PLXNA4: variants seen among roughly 807,000 people sequenced by gnomAD.
The protein encoded by PLXNA4 is plexin A4.
Under a neutral mutation model 191.8 loss-of-function variants are expected in PLXNA4, and 44 were observed. The ratio of observed to expected loss-of-function variants is 0.23; its 90% CI spans 0.18 to 0.29. The LOEUF (loss-of-function observed/expected upper bound fraction) is 0.29. Among genes scored for constraint, PLXNA4 ranks in the 10% least tolerant of loss-of-function variants. PLXNA4 has a pLI of 1.00. For missense variants in PLXNA4, 1,800 were observed against 2,488.8 expected, an observed-to-expected ratio of 0.72 and a Z score of 5.89; for synonymous variants, 1,082 against 1,009.5, an observed-to-expected ratio of 1.07 and a Z score of -1.36.
intron 14 of PLXNA4, among the ~76,000 whole-genome samples, chr7:132,193,782 C>G (rs1372240367): frequency 2.0e-5 from 3 of 152,220 alleles, no homozygotes; most frequent in Non-Finnish European, 2.9e-5. Flanking sequence ...CCATGCCACA[C>G]TGCCATGCAC....
At chr7:132,343,582 G>A (rs1053991039) in intron 3 of PLXNA4, among the ~76,000 whole-genome samples, 1 of 152,194 alleles carries the variant, frequency 6.6e-6, no homozygotes, top group Non-Finnish European at 1.5e-5. Context: ...GTCACAAGTG[G>A]GAAACTGAGG....
chr7:132,567,823 A>G (rs1801800465), intron 1 of PLXNA4, among the ~76,000 whole-genome samples: 1 of 152,190 alleles, frequency 6.6e-6, no homozygotes, highest in African/African-American at 2.4e-5. Context: ...TGAGTTACTG[A>G]TGAAACAAAA....
intron 1 of PLXNA4, among the ~76,000 whole-genome samples, chr7:132,545,868 CAGG>C (rs1324099233): frequency 3.3e-5 from 5 of 152,206 alleles, no homozygotes; most frequent in Admixed American, 3.3e-4. Context: ...CTGGACCCTG[CAGG>C]AGGTGGCTGG....
At chr7:132,507,122 A>G (rs989365280) in intron 2 of PLXNA4, among the ~76,000 whole-genome samples, 4 of 152,128 alleles carry the variant, frequency 2.6e-5, no homozygotes, top group African/African-American at 7.2e-5. Context: ...AGGCTTGGTG[A>G]GTACAAAGGG....
At chr7:132,160,051 G>A (rs908950108) in intron 24 of PLXNA4, among the ~76,000 whole-genome samples, 4 of 151,958 alleles carry the variant, frequency 2.6e-5, no homozygotes, top group Admixed American at 6.6e-5. Context: ...CCAGACCCTC[G>A]CCCACTTCTG....
chr7:132,240,292 C>A (rs959117208), intron 5 of PLXNA4, among the ~76,000 whole-genome samples: 3 of 152,192 alleles, frequency 2.0e-5, no homozygotes, highest in Non-Finnish European at 2.9e-5. Flanking sequence ...GTCTTCGGAT[C>A]CCCAAAGAAA....
At chr7:132,234,598 G>GTA (rs963404255) in intron 5 of PLXNA4, among the ~76,000 whole-genome samples, 1 of 129,752 alleles carries the variant, frequency 7.7e-6, no homozygotes, top group Non-Finnish European at 1.6e-5. Context: ...CATGTGTTTT[G>GTA]TGTGTGTGTG....
chr7:132,361,086 A>G (rs62466387), intron 3 of PLXNA4, among the ~76,000 whole-genome samples: 21,452 of 152,182 alleles, frequency 0.14, 1,872 homozygotes, highest in Admixed American at 0.21. Flanking sequence ...CACTTCCCCA[A>G]GGACTCAGCT....
chr7:132,223,668 A>G (rs1210355404), intron 8 of PLXNA4, 27 bp from the exon 9 acceptor site: 6 of 1,587,748 alleles, frequency 3.8e-6, no homozygotes, highest in Non-Finnish European at 5.2e-6. Context: ...GGAGGCACAA[A>G]TCTAAGAACC....
At chr7:132,300,119 A>G (rs1463468393) in intron 3 of PLXNA4, among the ~76,000 whole-genome samples, 2 of 152,244 alleles carry the variant, frequency 1.3e-5, no homozygotes, top group Non-Finnish European at 2.9e-5. Flanking sequence ...TTTTTGCAAC[A>G]TCAAAAGTCC....
chr7:132,209,967 C>T (rs980082050), intron 10 of PLXNA4, among the ~76,000 whole-genome samples: 1 of 152,208 alleles, frequency 6.6e-6, no homozygotes, highest in Non-Finnish European at 1.5e-5. Context: ...CCTACACTTG[C>T]ACACTCAGCC....
chr7:132,435,406 C>G (rs1278435966), intron 3 of PLXNA4, among the ~76,000 whole-genome samples: 1 of 152,100 alleles, frequency 6.6e-6, no homozygotes, highest in Non-Finnish European at 1.5e-5. Flanking sequence ...CTAATCGGCC[C>G]CGTGGATGGA....
chr7:132,318,966 A>AC (rs1802058820), intron 3 of PLXNA4, among the ~76,000 whole-genome samples: 1 of 151,970 alleles, frequency 6.6e-6, no homozygotes, highest in Non-Finnish European at 1.5e-5. Flanking sequence ...CAGTCCTGTG[A>AC]CGCCTGGCCC....
chr7:132,227,653 A>G (rs368940708), intron 6 of PLXNA4, 49 bp from the exon 7 acceptor site: 26 of 1,611,680 alleles, frequency 1.6e-5, no homozygotes, highest in African/African-American at 2.7e-5. Flanking sequence ...GAAATGGGAA[A>G]AGGACAGGTA....
chr7:132,435,112 G>A (rs1795418956), intron 3 of PLXNA4, among the ~76,000 whole-genome samples: 1 of 152,158 alleles, frequency 6.6e-6, no homozygotes, highest in African/African-American at 2.4e-5. Flanking sequence ...GACTCGAGCA[G>A]GAAGTATGTT....
In PLXNA4 at chr7:132,641,075, A is replaced by G. The variant is rs553588553; in HGVS notation, c.-87+4853T>C. On this transcript the variant is annotated intron_variant, in intron 2 of 4. Transcript: ENST00000378539. ...ACTATTGCTTCCAAGACTTTCTTCC[A>G]AGTTCTTGACATTCATCATACAAAC... 1.3e-4 allele frequency among the ~76,000 whole-genome samples: 20 copies of G among 152,308 alleles called. No homozygotes were observed. In the South Asian group the frequency reaches 3.7e-3, roughly 28 times the overall value.
chr7:132,135,082 C>T (rs1795074264), intron 30 of PLXNA4, among the ~76,000 whole-genome samples: 1 of 152,230 alleles, frequency 6.6e-6, no homozygotes, highest in Non-Finnish European at 1.5e-5. Flanking sequence ...TCAGTAGTAG[C>T]TCCCAACCTT....
intron 4 of PLXNA4, among the ~76,000 whole-genome samples, chr7:132,289,383 T>C (rs1800800224): frequency 6.6e-6 from 1 of 152,242 alleles, no homozygotes. Context: ...GATTTATTTC[T>C]TAGGTTGGTT....
chr7:132,554,600 G>A (rs183632359), intron 1 of PLXNA4, among the ~76,000 whole-genome samples: 1 of 152,312 alleles, frequency 6.6e-6, no homozygotes, highest in Admixed American at 6.5e-5. Flanking sequence ...AAGCTAAGGT[G>A]CCTGGAAGAA....
Sources: gnomAD v4.1 joint callset for allele counts (sites outside exome capture counted in the v4.1 genomes callset) on GRCh38, gnomAD v4.1.1 for gene constraint, MANE v1.5 for transcripts, NCBI Gene and HGNC (gene_info 2026-07-23, HGNC 2026-07-21) for gene names.